DMD: variants seen among roughly 807,000 people sequenced by gnomAD.
DMD encodes dystrophin.
Under a neutral mutation model 330.1 loss-of-function variants are expected in DMD, and 63 were observed. The ratio of observed to expected loss-of-function variants is 0.19; its 90% CI spans 0.16 to 0.24. DMD has a LOEUF of 0.24. Among genes scored for constraint, DMD ranks in the 10% least tolerant of loss-of-function variants. The probability of loss-of-function intolerance (pLI) is 1.00; values close to 1 mark genes in which losing one functional copy is unlikely to be tolerated. For synonymous variants in DMD, 1,223 were observed against 959.8 expected (o/e 1.27, Z -5.07); for missense variants, 3,344 against 2,684.1 (o/e 1.25, Z -5.43).
At chrX:31,257,834 T>C (rs1275490318) in intron 63 of DMD, among the ~76,000 whole-genome samples, 4 of 111,849 alleles carry the variant, frequency 3.6e-5, no homozygotes, top group African/African-American at 6.5e-5. Context: ...TAATCCCAGC[T>C]ACTCGGGAGG....
intron 59 of DMD, among the ~76,000 whole-genome samples, chrX:31,449,779 T>TATATATATATAG: frequency 1.1e-5 from 1 of 90,419 alleles, no homozygotes; most frequent in South Asian, 5.7e-4. Context: ...TATATATATA[T>TATATATATATAG]ATATATATAT....
intron 45 of DMD, among the ~76,000 whole-genome samples, chrX:31,951,141 GTGTA>G (rs1197240518): frequency 1.4e-5 from 1 of 72,823 alleles, no homozygotes; most frequent in Non-Finnish European, 2.5e-5. Context: ...ATATATATAT[GTGTA>G]TATATATATA....
chrX:31,891,491 C>T (rs1470949450), intron 47 of DMD, among the ~76,000 whole-genome samples: 2 of 111,507 alleles, frequency 1.8e-5, no homozygotes, highest in Admixed American at 1.9e-4. Flanking sequence ...ATTCAGCCAC[C>T]ATATGTCTTT....
At chrX:31,243,485 A>G (rs777288701) in intron 63 of DMD, among the ~76,000 whole-genome samples, 9 of 112,396 alleles carry the variant, frequency 8.0e-5, no homozygotes, top group Non-Finnish European at 1.7e-4. Context: ...GTATTATATC[A>G]GAAAAGTTTG....
At chrX:32,656,640 A>C (rs757587134) in intron 9 of DMD, among the ~76,000 whole-genome samples, 1 of 111,876 alleles carries the variant, frequency 8.9e-6, no homozygotes, top group Admixed American at 9.5e-5. Flanking sequence ...TCTCTAAAAC[A>C]TACTCTCAAT....
At chrX:32,336,044 GTATATATAA>G (rs2097712562) in intron 41 of DMD, among the ~76,000 whole-genome samples, 1 of 97,862 alleles carries the variant, frequency 1.0e-5, no homozygotes, top group Non-Finnish European at 2.0e-5. Flanking sequence ...TATATAACGT[GTATATATAA>G]CGTTATATAT....
intron 43 of DMD, among the ~76,000 whole-genome samples, chrX:32,234,157 T>C (rs1337288518): frequency 9.0e-6 from 1 of 111,145 alleles, no homozygotes; most frequent in Non-Finnish European, 1.9e-5. Flanking sequence ...TAGTTGTCTA[T>C]AGCTACTCTT....
At chrX:32,658,420 A>T (rs182408873) in intron 9 of DMD, among the ~76,000 whole-genome samples, 59 of 111,153 alleles carry the variant, frequency 5.3e-4, no homozygotes, top group Admixed American at 2.1e-3. Context: ...GATGCCCCCA[A>T]CTCAGCTCTG....
At chrX:32,669,242 A>T (rs996812205) in intron 9 of DMD, among the ~76,000 whole-genome samples, 1 of 111,427 alleles carries the variant, frequency 9.0e-6, no homozygotes, top group Non-Finnish European at 1.9e-5. Context: ...CCACACTTAT[A>T]CTTAAAAATC....
In DMD at chrX:32,882,183, G is replaced by C. The variant is rs113243089; in HGVS notation, c.94-32363C>G. Among the ~76,000 whole-genome samples the C allele has an allele frequency of 4.4e-3, 487 of 111,848 alleles. 7 individuals are homozygous for C. In the East Asian group the frequency reaches 0.063, roughly 14 times the overall value. On this transcript the variant is annotated intron_variant, in intron 2 of 78. Transcript: ENST00000357033. ...CCTTCCTGCTATCCCAGAGAGGGTA[G>C]CACCAGCCACGTAGCAGCCCCCTAC... is the stretch of plus-strand genomic sequence containing the variant.
Position 31,875,203 on chromosome X carries a change from T to G in DMD, c.7083A>C (p.Gly2361=), listed in dbSNP as rs1397611369. ...LEIYNQPNQE[G]PFDVKETEIA... ...AGTTCCCTACCTTAACGTCAAATGG[T>G]CCTTCTTGGTTTGGTTGGTTATAAA... Residue 2361 remains glycine (G), a synonymous_variant, in exon 48 of 79, where the codon GGA becomes GGC. Transcript: ENST00000357033. 1.7e-6 allele frequency: 2 copies of G among 1,206,961 alleles called. No homozygotes were observed. Among genetic ancestry groups the G allele is most frequent in the Admixed American group, 4.4e-5 (2 of 45,394 alleles).
intron 34 of DMD, among the ~76,000 whole-genome samples, chrX:32,375,163 T>A (rs1185935793): frequency 1.8e-5 from 2 of 111,417 alleles, no homozygotes; most frequent in Non-Finnish European, 3.8e-5. Context: ...ATTCATTCCC[T>A]TGACTCTGCT....
At chrX:31,703,008 C>T (rs1273421345) in intron 52 of DMD, among the ~76,000 whole-genome samples, 9 of 110,018 alleles carry the variant, frequency 8.2e-5, no homozygotes, top group Non-Finnish European at 9.5e-5. Context: ...GCATGCACCA[C>T]CATGCCCAGC....
intron 44 of DMD, among the ~76,000 whole-genome samples, chrX:31,969,536 T>G (rs1171189112): frequency 2.7e-5 from 3 of 111,146 alleles, no homozygotes; most frequent in Non-Finnish European, 5.7e-5. Context: ...ATTCATATTC[T>G]CTAATATTTT....
chrX:32,095,872 C>G (rs1356532522), intron 44 of DMD, among the ~76,000 whole-genome samples: 1 of 107,970 alleles, frequency 9.3e-6, no homozygotes, highest in Non-Finnish European at 1.9e-5. Flanking sequence ...AAATGGCAAG[C>G]CATTCAGATC....
At chrX:31,977,271 G>A (rs181960165) in intron 44 of DMD, among the ~76,000 whole-genome samples, 581 of 111,897 alleles carry the variant, frequency 5.2e-3, no homozygotes, top group Non-Finnish European at 8.8e-3. Context: ...TCTCATTCTG[G>A]AAAGGGTCAA....
At chrX:32,590,696 G>A (rs1354654231) in intron 13 of DMD, among the ~76,000 whole-genome samples, 5 of 111,683 alleles carry the variant, frequency 4.5e-5, no homozygotes, top group Non-Finnish European at 7.5e-5. Context: ...TTTGGACTGG[G>A]GGACTTACAC....
intron 57 of DMD, among the ~76,000 whole-genome samples, chrX:31,483,341 C>T (rs762102980): frequency 2.3e-3 from 252 of 111,586 alleles, no homozygotes; most frequent in African/African-American, 2.9e-3. Context: ...CCACCACGCC[C>T]GGCCGGAAAT....
intron 41 of DMD, among the ~76,000 whole-genome samples, chrX:32,326,860 T>C (rs1354051878): frequency 9.3e-6 from 1 of 107,789 alleles, no homozygotes; most frequent in Non-Finnish European, 1.9e-5. Flanking sequence ...TGAGCCGAGA[T>C]CATGCCACTG....
Sources: gnomAD v4.1 joint callset for allele counts (sites outside exome capture counted in the v4.1 genomes callset) on GRCh38, gnomAD v4.1.1 for gene constraint, MANE v1.5 for transcripts, NCBI Gene and HGNC (gene_info 2026-07-23, HGNC 2026-07-21) for gene names.